L3HYPDH: variants seen among roughly 807,000 people sequenced by gnomAD.
L3HYPDH encodes trans-L-3-hydroxyproline dehydratase.
Under a neutral mutation model 26.5 loss-of-function variants are expected in L3HYPDH, and 32 were observed. That is an observed-to-expected ratio of 1.21 (90% CI 0.91 to 1.62). The LOEUF (loss-of-function observed/expected upper bound fraction) is 1.62, where lower values mean the gene tolerates loss of function less well. Ranked by LOEUF, L3HYPDH falls within the 40% of genes most tolerant of loss-of-function variation. The pLI, the probability that L3HYPDH is intolerant of heterozygous loss-of-function variation, is 0.00. For missense variants in L3HYPDH, 554 were observed against 476.4 expected (o/e 1.16, Z -1.52); for synonymous variants, 215 against 196.6 (o/e 1.09, Z -0.78).
the L3HYPDH span, chr14:59,494,946 A>T: frequency 9.7e-7 from 1 of 1,034,898 alleles, no homozygotes; most frequent in East Asian, 2.4e-5. Context: ...ATCTTGACAC[A>T]TGTACATGTT....
chr14:59,488,224 C>T (rs188626751), upstream of L3HYPDH, among the ~76,000 whole-genome samples: 3 of 151,926 alleles, frequency 2.0e-5, no homozygotes, highest in Admixed American at 1.3e-4. Context: ...TACAAAAACT[C>T]ATATTAACAT....
chr14:59,480,992 G>C (rs964402275), intron 1 of L3HYPDH, among the ~76,000 whole-genome samples: 2 of 152,082 alleles, frequency 1.3e-5, no homozygotes, highest in Admixed American at 6.6e-5. Context: ...CAACTAAATG[G>C]GGCATTGGCC....
chr14:59,483,625 G>C, intron 1 of L3HYPDH, 184 bp downstream of exon 1: 6 of 1,433,934 alleles, frequency 4.2e-6, no homozygotes, highest in Non-Finnish European at 5.5e-6. Flanking sequence ...AGGGAAAATC[G>C]AAATTACACG....
intron 4 of L3HYPDH, among the ~76,000 whole-genome samples, chr14:59,473,855 G>A (rs1889437555): frequency 6.6e-6 from 1 of 151,986 alleles, no homozygotes; most frequent in African/African-American, 2.4e-5. Flanking sequence ...GGAAGGACAG[G>A]GAAAGGAAGC....
upstream of L3HYPDH, chr14:59,484,518 T>C: frequency 6.5e-7 from 1 of 1,542,824 alleles, no homozygotes; most frequent in Non-Finnish European, 8.8e-7. Context: ...GAGCTCGCTG[T>C]GGCCCGGATG....
At chr14:59,477,113 T>C (rs1192578056) in intron 2 of L3HYPDH, among the ~76,000 whole-genome samples, 1 of 152,292 alleles carries the variant, frequency 6.6e-6, no homozygotes, top group Middle Eastern at 3.4e-3. Flanking sequence ...TTGTTCTCCA[T>C]CCTCTTAAAG....
At chr14:59,501,818 G>A in the L3HYPDH span, among the ~76,000 whole-genome samples, 1 of 151,920 alleles carries the variant, frequency 6.6e-6, no homozygotes, top group South Asian at 2.1e-4. Context: ...TATTCATTTT[G>A]TACCTCTAAT....
chr14:59,498,068 A>G, the L3HYPDH span, among the ~76,000 whole-genome samples: 4 of 152,242 alleles, frequency 2.6e-5, no homozygotes, highest in African/African-American at 9.6e-5. Flanking sequence ...TACATTAAAA[A>G]TGGGACATTC....
upstream of L3HYPDH, chr14:59,485,264 C>A (rs1253105): frequency 0.4 from 272,263 of 682,296 alleles, 59,330 homozygotes; most frequent in African/African-American, 0.63. Context: ...CAATTCCTTA[C>A]CTTCTGCATT....
intron 2 of L3HYPDH, among the ~76,000 whole-genome samples, 180 bp from the exon 3 acceptor site, chr14:59,476,394 T>G (rs1375243788): frequency 2.0e-5 from 3 of 152,216 alleles, no homozygotes; most frequent in Admixed American, 6.5e-5. Context: ...GAAACATAGT[T>G]TTACTGCAAT....
In L3HYPDH at chr14:59,483,905, G is replaced by C; in HGVS notation, c.412C>G (p.Pro138Ala). Reference sequence around the variant, plus strand: ...ACGAAGGCGGTCACCAGCCCGCAGGGGCAGTGGATATTGACGCGGGCCTCG... The same window carrying C: ...ACGAAGGCGGTCACCAGCCCGCAGGCGCAGTGGATATTGACGCGGGCCTCG... The part of the protein sequence containing the change: ...TREARVNIHC[P>A]CGLVTAFVAC... Residue 138 changes from proline (P) to alanine (A), a missense_variant, in exon 1 of 5, where the codon CCC becomes GCC. Transcript: ENST00000247194. 6.4e-7 allele frequency: 1 copy of C among 1,562,724 alleles called. No individual in the cohort carries two copies. The highest frequency in any genetic ancestry group is 2.4e-5 in the East Asian group (1 of 42,384).
At chr14:59,476,813 C>A (rs1889662776) in intron 2 of L3HYPDH, among the ~76,000 whole-genome samples, 1 of 152,168 alleles carries the variant, frequency 6.6e-6, no homozygotes, top group African/African-American at 2.4e-5. Context: ...CAGATATGCA[C>A]ACAAAGAAGC....
At chr14:59,486,592 G>T (rs931325914), upstream of L3HYPDH, 4 of 688,348 alleles carry the variant, frequency 5.8e-6, no homozygotes, top group Non-Finnish European at 1.0e-5. Flanking sequence ...CAAGACTTTT[G>T]TCTAATACAT....
the L3HYPDH span, chr14:59,498,773 A>T: frequency 6.2e-7 from 1 of 1,602,754 alleles, no homozygotes; most frequent in South Asian, 1.1e-5. Context: ...GGTATTAATG[A>T]TGCTGCTCCG....
At chr14:59,489,702 A>C in the L3HYPDH span, among the ~76,000 whole-genome samples, 1 of 152,148 alleles carries the variant, frequency 6.6e-6, no homozygotes, top group African/African-American at 2.4e-5. Flanking sequence ...GTAATTTATA[A>C]AGAAAAGAGG....
chr14:59,473,849 G>T (rs905747007), intron 4 of L3HYPDH, among the ~76,000 whole-genome samples: 1 of 152,022 alleles, frequency 6.6e-6, no homozygotes, highest in Non-Finnish European at 1.5e-5. Context: ...CTAAATGGAA[G>T]GACAGGGAAA....
upstream of L3HYPDH, chr14:59,484,600 G>A: frequency 1.3e-6 from 2 of 1,579,270 alleles, no homozygotes; most frequent in Non-Finnish European, 1.7e-6. Context: ...ATGGGTGAGT[G>A]GTCGCCAAGA....
intron 1 of L3HYPDH, among the ~76,000 whole-genome samples, chr14:59,467,411 G>A (rs1889221370): frequency 6.6e-6 from 1 of 152,094 alleles, no homozygotes; most frequent in African/African-American, 2.4e-5. Context: ...GGGGAGGAGG[G>A]GCTAATAGCA....
At chr14:59,481,423 A>G (rs1411338784) in intron 1 of L3HYPDH, among the ~76,000 whole-genome samples, 1 of 152,180 alleles carries the variant, frequency 6.6e-6, no homozygotes, top group African/African-American at 2.4e-5. Flanking sequence ...TACCCACTAA[A>G]TAAGTGGCAG....
Sources: gnomAD v4.1 joint callset for allele counts (sites outside exome capture counted in the v4.1 genomes callset) on GRCh38, gnomAD v4.1.1 for gene constraint, MANE v1.5 for transcripts, NCBI Gene and HGNC (gene_info 2026-07-23, HGNC 2026-07-21) for gene names.